Variants in SEMA6D observed in about 807,000 individuals in gnomAD.
The protein encoded by SEMA6D is semaphorin-6D.
SEMA6D carries 35 observed loss-of-function variants against 106.6 expected under a neutral mutation model. That is an observed-to-expected ratio of 0.33 (90% CI 0.25 to 0.44). The LOEUF is 0.44. Ranked by LOEUF, SEMA6D falls within the 20% of genes least tolerant of loss-of-function variation. The pLI is 1.00. For missense variants in SEMA6D, 1,185 were observed against 1,345.9 expected (o/e 0.88, Z 1.87); for synonymous variants, 499 against 487.7 (o/e 1.02, Z -0.31).
intron 1 of SEMA6D, among the ~76,000 whole-genome samples, chr15:47,184,732 C>T (rs1350171582): frequency 6.6e-6 from 1 of 152,226 alleles, no homozygotes; most frequent in Admixed American, 6.5e-5. Context: ...CACTTTATGG[C>T]TCGTGGCCCC....
At chr15:47,740,154 T>C (rs1328259008) in intron 1 of SEMA6D, among the ~76,000 whole-genome samples, 4 of 152,208 alleles carry the variant, frequency 2.6e-5, no homozygotes, top group Non-Finnish European at 5.9e-5. Context: ...GAGGGTTTCA[T>C]GCATTGCGAC....
intron 3 of SEMA6D, among the ~76,000 whole-genome samples, chr15:47,520,076 A>G (rs1051436873): frequency 1.1e-4 from 17 of 152,168 alleles, no homozygotes; most frequent in East Asian, 3.8e-4. Flanking sequence ...CTTGAGAAAA[A>G]TGATCGACAG....
intron 1 of SEMA6D, among the ~76,000 whole-genome samples, chr15:47,381,448 A>G (rs907743796): frequency 6.6e-6 from 1 of 152,198 alleles, no homozygotes; most frequent in East Asian, 1.9e-4. Context: ...CGCCTATAGC[A>G]TAGTTCCTGA....
At chr15:47,540,832 C>A (rs1317955316) in intron 3 of SEMA6D, among the ~76,000 whole-genome samples, 2 of 152,056 alleles carry the variant, frequency 1.3e-5, no homozygotes, top group African/African-American at 4.8e-5. Context: ...TCCCAGGTGG[C>A]CAAGAGTCAG....
chr15:47,640,999 A>G (rs959640226), intron 4 of SEMA6D, among the ~76,000 whole-genome samples: 5 of 152,200 alleles, frequency 3.3e-5, no homozygotes, highest in African/African-American at 9.6e-5. Flanking sequence ...TTCTTGGGAA[A>G]GGAAGTCACT....
At chr15:47,208,052 A>C (rs1895230475) in intron 1 of SEMA6D, among the ~76,000 whole-genome samples, 2 of 117,058 alleles carry the variant, frequency 1.7e-5, no homozygotes, top group Admixed American at 8.7e-5. Context: ...CACACACACT[A>C]CTGTAACGGT....
intron 1 of SEMA6D, among the ~76,000 whole-genome samples, chr15:47,285,478 T>TG (rs201845156): frequency 7.9e-5 from 12 of 151,426 alleles, no homozygotes; most frequent in African/African-American, 2.7e-4. Flanking sequence ...TATAGATGTT[T>TG]GAAAAAAAAA....
At chr15:47,369,411 T>G (rs528922403) in intron 1 of SEMA6D, among the ~76,000 whole-genome samples, 49 of 152,336 alleles carry the variant, frequency 3.2e-4, no homozygotes, top group Admixed American at 2.4e-3. Context: ...TTTAAAAATC[T>G]TAGAAAATTG....
intron 2 of SEMA6D, among the ~76,000 whole-genome samples, chr15:47,444,865 T>C (rs2041982664): frequency 1.3e-5 from 2 of 152,184 alleles, no homozygotes; most frequent in South Asian, 4.2e-4. Context: ...GTTAACCAGC[T>C]CAGTGTCCTC....
chr15:47,548,823 T>C (rs1259735659), intron 3 of SEMA6D, among the ~76,000 whole-genome samples: 2 of 152,220 alleles, frequency 1.3e-5, no homozygotes, highest in Non-Finnish European at 2.9e-5. Context: ...ATAATGTGTT[T>C]GTTGTAAACA....
chr15:47,624,657 G>T (rs1261539552), intron 4 of SEMA6D, among the ~76,000 whole-genome samples: 1 of 152,118 alleles, frequency 6.6e-6, no homozygotes, highest in African/African-American at 2.4e-5. Flanking sequence ...GAAATATAGT[G>T]GAAAAACACT....
chr15:47,225,037 TC>T (rs778172765), intron 1 of SEMA6D, among the ~76,000 whole-genome samples: 2 of 151,946 alleles, frequency 1.3e-5, no homozygotes, highest in African/African-American at 4.8e-5. Flanking sequence ...CATTTCCCAA[TC>T]TTGAGCAGAG....
intron 1 of SEMA6D, among the ~76,000 whole-genome samples, chr15:47,197,285 A>G (rs1052865016): frequency 1.4e-4 from 21 of 152,180 alleles, no homozygotes; most frequent in African/African-American, 5.1e-4. Flanking sequence ...ATGTTTAGAG[A>G]GCCAAACTTA....
At chr15:47,359,077 T>A (rs568128471) in intron 1 of SEMA6D, among the ~76,000 whole-genome samples, 2 of 152,070 alleles carry the variant, frequency 1.3e-5, no homozygotes, top group East Asian at 3.9e-4. Flanking sequence ...ATGCAGGTAT[T>A]CCCGCACAGG....
At chr15:47,277,514 A>G (rs959786364) in intron 1 of SEMA6D, among the ~76,000 whole-genome samples, 1 of 151,818 alleles carries the variant, frequency 6.6e-6, no homozygotes, top group Admixed American at 6.6e-5. Flanking sequence ...AAAGACTGTG[A>G]CTCAGTGCAG....
At chr15:47,367,292 C>G (rs1300147270) in intron 1 of SEMA6D, among the ~76,000 whole-genome samples, 3 of 152,298 alleles carry the variant, frequency 2.0e-5, no homozygotes, top group Non-Finnish European at 4.4e-5. Flanking sequence ...ACAAAGCCTA[C>G]AGTCCAGATT....
chr15:47,452,165 A>G (rs1230347569), intron 2 of SEMA6D, among the ~76,000 whole-genome samples: 1 of 152,054 alleles, frequency 6.6e-6, no homozygotes, highest in Non-Finnish European at 1.5e-5. Flanking sequence ...CATAGCAGCA[A>G]GCACTAAATT....
chr15:47,186,210 A>G (rs1893562243), intron 1 of SEMA6D, among the ~76,000 whole-genome samples: 1 of 152,140 alleles, frequency 6.6e-6, no homozygotes, highest in Non-Finnish European at 1.5e-5. Flanking sequence ...TGCTAAGTGT[A>G]TCAATCTGAT....
At chr15:47,308,799 C>G (rs560274641) in intron 1 of SEMA6D, among the ~76,000 whole-genome samples, 1 of 152,224 alleles carries the variant, frequency 6.6e-6, no homozygotes, top group African/African-American at 2.4e-5. Flanking sequence ...TAACTCATCT[C>G]TCTTAGGTTG....
Sources: gnomAD v4.1 joint callset for allele counts (sites outside exome capture counted in the v4.1 genomes callset) on GRCh38, gnomAD v4.1.1 for gene constraint, MANE v1.5 for transcripts, NCBI Gene and HGNC (gene_info 2026-07-23, HGNC 2026-07-21) for gene names.